Variants in MEGF10 observed in about 807,000 individuals in gnomAD.
The protein encoded by MEGF10 is multiple EGF like domains 10, also known as multiple epidermal growth factor-like domains protein 10.
Under a neutral mutation model 147.5 loss-of-function variants are expected in MEGF10, and 86 were observed. The ratio of observed to expected loss-of-function variants is 0.58; its 90% CI spans 0.49 to 0.70. MEGF10 has a LOEUF of 0.70. Among genes scored for constraint, MEGF10 ranks in the 30% least tolerant of loss-of-function variants. The pLI is 0.00. For missense variants in MEGF10, 1,329 were observed against 1,487.3 expected (o/e 0.89, Z 1.75); for synonymous variants, 478 against 525.5 (o/e 0.91, Z 1.24).
At chr5:127,391,098 GCGCGCACACACACACA>G (rs1222260569) in intron 5 of MEGF10, among the ~76,000 whole-genome samples, 2 of 29,736 alleles carry the variant, frequency 6.7e-5, no homozygotes, top group Admixed American at 3.7e-4. Flanking sequence ...GCGCGCGCGC[GCGCGCACACACACACA>G]CACACACACA....
intron 8 of MEGF10, among the ~76,000 whole-genome samples, chr5:127,404,219 G>A (rs913396545): frequency 6.6e-6 from 1 of 151,688 alleles, no homozygotes; most frequent in Admixed American, 6.6e-5. Context: ...ATGATCAATT[G>A]TGTTGAGCAC....
intron 5 of MEGF10, among the ~76,000 whole-genome samples, chr5:127,391,749 A>G (rs1763706552): frequency 6.6e-6 from 1 of 152,206 alleles, no homozygotes; most frequent in Non-Finnish European, 1.5e-5. Flanking sequence ...ACTGTCATTC[A>G]TGATTGTACA....
intron 5 of MEGF10, among the ~76,000 whole-genome samples, chr5:127,386,723 A>G (rs1204196513): frequency 6.6e-6 from 1 of 152,234 alleles, no homozygotes; most frequent in Non-Finnish European, 1.5e-5. Context: ...GGCATGAATG[A>G]TTCATGCAAG....
At chr5:127,434,573 A>T in intron 14 of MEGF10, 114 bp from the exon 15 acceptor site, 1 of 1,129,456 alleles carries the variant, frequency 8.9e-7, no homozygotes, top group Non-Finnish European at 1.2e-6. Flanking sequence ...TATCTTTTTT[A>T]CTTTTTTTTA....
intron 1 of MEGF10, among the ~76,000 whole-genome samples, chr5:127,294,105 A>G (rs1407803095): frequency 1.3e-5 from 2 of 152,156 alleles, no homozygotes; most frequent in Admixed American, 6.5e-5. Flanking sequence ...CCACCCATTC[A>G]TCTTTTAAGA....
chr5:127,379,994 A>G (rs978126042), intron 5 of MEGF10, among the ~76,000 whole-genome samples: 2 of 151,782 alleles, frequency 1.3e-5, no homozygotes. Flanking sequence ...GTATGACCCT[A>G]TTACTCTGTA....
chr5:127,316,945 G>T (rs1340221439), intron 1 of MEGF10, among the ~76,000 whole-genome samples: 2 of 152,180 alleles, frequency 1.3e-5, no homozygotes, highest in East Asian at 1.9e-4. Context: ...GAATTAAGTT[G>T]AGCAGATAGT....
Position 127,433,459 on chromosome 5 carries a change from A to C in MEGF10, c.1790A>C (p.Asp597Ala). Residue 597 changes from aspartate to alanine, a missense_variant, in exon 14 of 25, where the codon GAT (aspartate) becomes GCT (alanine). Around this residue, in one of 3 missense-constraint regions of MEGF10, gnomAD observed 980 missense variants for 1,085.9 expected, o/e 0.90. Coordinates refer to ENST00000503335, the MANE Select transcript of MEGF10 (RefSeq NM_001256545.2). ...AATGGGGCTTCATGCTCCCCTGATG[A>C]TGGCATCTGCGAGTGTGCACCAGGC... ...CKNGASCSPD[D>A]GICECAPGFR... 6.2e-7 allele frequency: 1 copy of C among 1,613,794 alleles called. No individual in the cohort carries two copies. The highest frequency in any genetic ancestry group is 8.5e-7 in the Non-Finnish European group (1 of 1,179,892).
In MEGF10 at chr5:127,419,218, C is replaced by T. The variant is rs756165435; in HGVS notation, c.1404C>T (p.Asp468=). The change falls in exon 11 of 25, where the codon GAC becomes GAT. Residue 468 remains aspartate (D), a synonymous_variant. Coordinates refer to ENST00000503335, the MANE Select transcript of MEGF10 (RefSeq NM_001256545.2). Reference sequence around the variant, plus strand: ...ATGATGCAGTCTGCTCTCCTGTGGACGGGTCTTGTACTTGCAAGGCAGGTA... The same window carrying T: ...ATGATGCAGTCTGCTCTCCTGTGGATGGGTCTTGTACTTGCAAGGCAGGTA... ...CKNDAVCSPV[D]GSCTCKAGWH... is the part of the protein sequence containing the mutation. The T allele has an allele frequency of 2.3e-5, 37 of 1,613,706 alleles. No homozygotes were observed. The highest frequency in any genetic ancestry group is 1.6e-4 in the Middle Eastern group (1 of 6,084).
intron 22 of MEGF10, among the ~76,000 whole-genome samples, chr5:127,454,273 C>T (rs1426752221): frequency 2.0e-5 from 3 of 152,350 alleles, no homozygotes; most frequent in African/African-American, 7.2e-5. Flanking sequence ...TTTCTTTTCA[C>T]TGTGCAACCT....
Position 127,454,615 on chromosome 5 carries a change from C to CATGTAAAT in MEGF10, c.3025+6_3025+13dup. On this transcript the variant is annotated splice_donor_region_variant and intron_variant, in intron 23 of 24. Transcript: ENST00000503335. ...ATATGGGAAAATCCTTAAAAGGTAT[C>CATGTAAAT]ATGTAAATTTGAAGAAGAAATCAGA... 2 of 1,603,600 alleles carry CATGTAAAT rather than the reference C, an allele frequency of 1.2e-6. No individual in the cohort carries two copies. Among genetic ancestry groups the CATGTAAAT allele is most frequent in the Non-Finnish European group, 1.7e-6 (2 of 1,176,026 alleles).
intron 1 of MEGF10, among the ~76,000 whole-genome samples, chr5:127,308,551 A>G (rs544187319): frequency 6.6e-6 from 1 of 152,338 alleles, no homozygotes; most frequent in East Asian, 1.9e-4. Flanking sequence ...TGATGAGTTC[A>G]TGTCTTTTGT....
chr5:127,272,259 T>G, the MEGF10 span, among the ~76,000 whole-genome samples: 1 of 152,190 alleles, frequency 6.6e-6, no homozygotes, highest in Non-Finnish European at 1.5e-5. Flanking sequence ...ATCTTATTTT[T>G]GGGTTCTCTA....
At chr5:127,313,168 G>C (rs937292732) in intron 1 of MEGF10, among the ~76,000 whole-genome samples, 1 of 152,124 alleles carries the variant, frequency 6.6e-6, no homozygotes, top group Non-Finnish European at 1.5e-5. Context: ...TGGGGCTCTT[G>C]GGAAAGGATG....
At chr5:127,264,221 T>A in the MEGF10 span, among the ~76,000 whole-genome samples, 1 of 152,096 alleles carries the variant, frequency 6.6e-6, no homozygotes, top group African/African-American at 2.4e-5. Context: ...AACTCTCAAA[T>A]TCAAAAAGGA....
intron 20 of MEGF10, 131 bp from the exon 21 acceptor site, chr5:127,447,426 C>A: frequency 3.4e-6 from 4 of 1,192,020 alleles, no homozygotes; most frequent in Non-Finnish European, 4.8e-6. Context: ...ATCTGCCCGC[C>A]TTGGCCTCCC....
intron 5 of MEGF10, among the ~76,000 whole-genome samples, chr5:127,389,572 A>G (rs1333979026): frequency 6.6e-6 from 1 of 152,272 alleles, no homozygotes; most frequent in Non-Finnish European, 1.5e-5. Flanking sequence ...CAAATACACC[A>G]TGGAATACTG....
At chr5:127,407,475 T>C (rs1764377665) in intron 8 of MEGF10, among the ~76,000 whole-genome samples, 1 of 152,218 alleles carries the variant, frequency 6.6e-6, no homozygotes, top group Admixed American at 6.5e-5. Context: ...TGGGAATTGA[T>C]GTGTTAATAC....
intron 22 of MEGF10, among the ~76,000 whole-genome samples, chr5:127,453,062 C>T (rs1343090874): frequency 1.3e-5 from 2 of 152,208 alleles, no homozygotes; most frequent in African/African-American, 2.4e-5. Context: ...CCCCATGGGA[C>T]ACCAACATCA....
Sources: gnomAD v4.1 joint callset for allele counts (sites outside exome capture counted in the v4.1 genomes callset) on GRCh38, gnomAD v4.1.1 for gene constraint, gnomAD v4.1.1 regional missense constraint, MANE v1.5 for transcripts, NCBI Gene and HGNC (gene_info 2026-07-23, HGNC 2026-07-21) for gene names.